Variants in OXCT1 observed in about 807,000 individuals in gnomAD.
OXCT1 encodes 3-oxoacid CoA-transferase 1.
In OXCT1, 27 loss-of-function variants were observed where a neutral mutation model predicts 69.6. The ratio of observed to expected loss-of-function variants is 0.39; its 90% CI spans 0.29 to 0.54. The LOEUF (loss-of-function observed/expected upper bound fraction) is 0.54, where lower values mean the gene tolerates loss of function less well. Among genes scored for constraint, OXCT1 ranks in the 20% least tolerant of loss-of-function variants. The pLI, the probability that OXCT1 is intolerant of heterozygous loss-of-function variation, is 0.72. For synonymous variants in OXCT1, 202 were observed against 217.8 expected (o/e 0.93, Z 0.64); for missense variants, 437 against 650.2 (o/e 0.67, Z 3.57).
chr5:41,847,122 C>G (rs953085815), intron 5 of OXCT1, among the ~76,000 whole-genome samples: 1 of 151,836 alleles, frequency 6.6e-6, no homozygotes, highest in African/African-American at 2.4e-5. Flanking sequence ...CACAGAAATA[C>G]AAACTACCAT....
At chr5:41,823,548 C>T (rs995687021) in intron 7 of OXCT1, among the ~76,000 whole-genome samples, 1 of 152,188 alleles carries the variant, frequency 6.6e-6, no homozygotes, top group African/African-American at 2.4e-5. Flanking sequence ...ATTAGCCTGT[C>T]TCTCTCCAAT....
intron 13 of OXCT1, among the ~76,000 whole-genome samples, chr5:41,780,133 T>A (rs1001079115): frequency 6.6e-6 from 1 of 152,100 alleles, no homozygotes; most frequent in African/African-American, 2.4e-5. Context: ...GAATATGACA[T>A]GTTTTGGGTG....
chr5:41,844,594 G>T (rs149958381), intron 5 of OXCT1, among the ~76,000 whole-genome samples: 3 of 151,808 alleles, frequency 2.0e-5, no homozygotes, highest in Admixed American at 6.6e-5. Flanking sequence ...ACTATATGCT[G>T]ATGCCTCCAA....
At chr5:41,781,722 TGCGTTAGTTTGCTGAG>T (rs1745410930) in intron 13 of OXCT1, among the ~76,000 whole-genome samples, 1 of 152,196 alleles carries the variant, frequency 6.6e-6, no homozygotes, top group Non-Finnish European at 1.5e-5. Flanking sequence ...TTTCTGTTCC[TGCGTTAGTTTGCTGAG>T]GATAATGGCT....
chr5:41,770,031 A>T (rs1744809552), intron 13 of OXCT1, among the ~76,000 whole-genome samples: 1 of 152,194 alleles, frequency 6.6e-6, no homozygotes, highest in Non-Finnish European at 1.5e-5. Context: ...AAGTGTTGGG[A>T]TTACAGGCGT....
chr5:41,817,604 C>A (rs1021982545), intron 7 of OXCT1, among the ~76,000 whole-genome samples: 1 of 152,114 alleles, frequency 6.6e-6, no homozygotes, highest in Non-Finnish European at 1.5e-5. Context: ...TCTTCAATAC[C>A]CCTCTGTACT....
chr5:41,759,452 G>T (rs917945324), intron 14 of OXCT1, among the ~76,000 whole-genome samples: 2 of 152,064 alleles, frequency 1.3e-5, no homozygotes, highest in Non-Finnish European at 2.9e-5. Flanking sequence ...AAAAAACTTT[G>T]CCTACTTCAA....
chr5:41,770,984 G>A (rs1410159035), intron 13 of OXCT1, among the ~76,000 whole-genome samples: 1 of 152,056 alleles, frequency 6.6e-6, no homozygotes, highest in Admixed American at 6.6e-5. Flanking sequence ...AAATGAACCT[G>A]AACAAACAAA....
At chr5:41,843,114 G>C (rs1236033687) in intron 5 of OXCT1, among the ~76,000 whole-genome samples, 1 of 152,124 alleles carries the variant, frequency 6.6e-6, no homozygotes, top group Non-Finnish European at 1.5e-5. Context: ...GTGAAAAATA[G>C]TCCTTCTTTC....
chr5:41,801,351 A>T (rs1319979644), intron 10 of OXCT1, among the ~76,000 whole-genome samples: 1 of 152,156 alleles, frequency 6.6e-6, no homozygotes, highest in Non-Finnish European at 1.5e-5. Context: ...TAAAACAAAA[A>T]GTAATTATTT....
intron 3 of OXCT1, among the ~76,000 whole-genome samples, chr5:41,855,042 A>C (rs963401266): frequency 2.0e-5 from 3 of 152,226 alleles, no homozygotes; most frequent in Non-Finnish European, 4.4e-5. Flanking sequence ...TCATCAGCAA[A>C]ATAGATAATT....
At chr5:41,853,583 A>G in intron 3 of OXCT1, 29 bp from the exon 4 acceptor site, 2 of 1,611,348 alleles carry the variant, frequency 1.2e-6, no homozygotes, top group Non-Finnish European at 1.7e-6. Flanking sequence ...GAGCTTACCA[A>G]AGAGCATCTG....
chr5:41,731,915 T>G lies in OXCT1; in HGVS notation c.1522-145A>C. 4 of 1,039,360 alleles carry G rather than the reference T, an allele frequency of 3.8e-6. No homozygotes were observed. The South Asian group carries it at 4.2e-5, about 11-fold the overall frequency. 64.4% of individuals were successfully genotyped at this position (1,039,360 alleles called of 1,614,324 possible). A position where few individuals can be genotyped will look rare whatever the true frequency, so the allele number is the denominator to read the frequency against. The stretch of plus-strand genomic sequence containing the variant: ...GGAGTTTCCATATGATTTTCCATCC[T>G]GAAACATTGAGACAGAACAGTTCTG... On this transcript the variant is annotated intron_variant, in intron 16 of 16. Coordinates refer to ENST00000196371, the MANE Select transcript of OXCT1 (RefSeq NM_000436.4).
chr5:41,806,967 T>C (rs1161735126), intron 8 of OXCT1, among the ~76,000 whole-genome samples: 1 of 151,918 alleles, frequency 6.6e-6, no homozygotes, highest in African/African-American at 2.4e-5. Flanking sequence ...TTCTGAACAA[T>C]CAAACATTAA....
chr5:41,847,362 C>T (rs1382661866), intron 5 of OXCT1, among the ~76,000 whole-genome samples: 1 of 152,132 alleles, frequency 6.6e-6, no homozygotes, highest in Non-Finnish European at 1.5e-5. Context: ...CAAGGAGGAA[C>T]TGGTACCATT....
intron 13 of OXCT1, among the ~76,000 whole-genome samples, chr5:41,768,698 T>C (rs1285762572): frequency 1.3e-5 from 2 of 152,178 alleles, no homozygotes; most frequent in African/African-American, 4.8e-5. Context: ...AAGATTCCCA[T>C]GATTTCTCCC....
At chr5:41,838,165 C>T (rs1391903842) in intron 7 of OXCT1, among the ~76,000 whole-genome samples, 4 of 152,072 alleles carry the variant, frequency 2.6e-5, no homozygotes, top group African/African-American at 4.8e-5. Flanking sequence ...TGGAGGCCAG[C>T]GCAGGTAACG....
chr5:41,747,888 C>T (rs1163297359), intron 15 of OXCT1, among the ~76,000 whole-genome samples: 3 of 152,052 alleles, frequency 2.0e-5, no homozygotes, highest in Non-Finnish European at 4.4e-5. Flanking sequence ...CTCTATGTCC[C>T]TAGATTAGCA....
chr5:41,844,956 AAAG>A (rs1294076444), intron 5 of OXCT1, among the ~76,000 whole-genome samples: 1 of 151,800 alleles, frequency 6.6e-6, no homozygotes, highest in Non-Finnish European at 1.5e-5. Context: ...AAAAAAAAAA[AAAG>A]AACCACCACC....
Sources: allele counts gnomAD v4.1 joint callset (sites outside exome capture counted in the v4.1 genomes callset), GRCh38; gene constraint gnomAD v4.1.1; transcripts MANE v1.5; gene names NCBI Gene and HGNC (gene_info 2026-07-23, HGNC 2026-07-21).